The following KIF24 variants were observed in gnomAD, a reference collection of about 807,000 sequenced individuals.
KIF24 encodes kinesin-like protein KIF24.
In KIF24, 81 loss-of-function variants were observed where a neutral mutation model predicts 118.9. The observed-to-expected ratio is 0.68, with a 90% confidence interval of 0.57 to 0.82. KIF24 has a LOEUF of 0.82. KIF24 is among the 40% of genes least tolerant of loss of function. The pLI is 0.00. For synonymous variants in KIF24, 599 were observed against 610.0 expected, an observed-to-expected ratio of 0.98 and a Z score of 0.27; for missense variants, 1,560 against 1,661.6, an observed-to-expected ratio of 0.94 and a Z score of 1.06.
At chr9:34,270,610 TG>T (rs1174034423) in intron 7 of KIF24, among the ~76,000 whole-genome samples, 3 of 104,864 alleles carry the variant, frequency 2.9e-5, no homozygotes, top group Admixed American at 9.3e-5. Flanking sequence ...TACCTAGCTA[TG>T]TTTTTTTTTA....
upstream of KIF24, among the ~76,000 whole-genome samples, chr9:34,332,600 AATG>A (rs1384351378): frequency 1.3e-5 from 2 of 152,188 alleles, no homozygotes; most frequent in African/African-American, 4.8e-5. Flanking sequence ...CTTCACTAAG[AATG>A]ATTTTTGTCC....
chr9:34,271,344 GAA>G (rs1563941532), intron 7 of KIF24, among the ~76,000 whole-genome samples: 2 of 80,478 alleles, frequency 2.5e-5, no homozygotes, highest in South Asian at 4.3e-4. Context: ...AAAAAAAAAA[GAA>G]AAAGAAAAGA....
chr9:34,290,333 A>G lies in KIF24; in HGVS notation c.968T>C (p.Met323Thr), dbSNP rs1404917730. The stretch of plus-strand genomic sequence containing the variant: ...TCCTGGGTTCTCATGAGTTCCTATC[A>G]TGGTGTAGGTCTTTCCAGCACCTGT... ...GQTGAGKTYT[M>T]IGTHENPGLY... Residue 323 changes from methionine to threonine, a missense_variant, in exon 5 of 13, where the codon ATG becomes ACG. Physicochemically the swap from Met to Thr is moderately conservative, Grantham distance 81 (BLOSUM62 -1). Coordinates refer to ENST00000402558, the MANE Select transcript of KIF24 (RefSeq NM_194313.4). 3 of 1,613,950 alleles carry G rather than the reference A, an allele frequency of 1.9e-6. No individual in the cohort carries two copies. The South Asian group carries it at 3.3e-5, about 18-fold the overall frequency.
chr9:34,317,022 C>G (rs1162819147), intron 1 of KIF24, among the ~76,000 whole-genome samples: 1 of 152,036 alleles, frequency 6.6e-6, no homozygotes, highest in African/African-American at 2.4e-5. Flanking sequence ...CAAGACCAGC[C>G]TGGCCAAAAT....
rs2131660616 is a variant in KIF24, at chr9:34,256,279, T to C, written c.3328A>G (p.Arg1110Gly). The C allele has an allele frequency of 6.2e-7, 1 of 1,610,528 alleles. No homozygotes were observed. The highest frequency in any genetic ancestry group is 8.5e-7 in the Non-Finnish European group (1 of 1,178,094). Residue 1110 changes from arginine to glycine, a missense_variant, in exon 11 of 13, where the codon AGG (arginine) becomes GGG (glycine). Physicochemically the swap from Arg to Gly is moderately radical, Grantham distance 125 (BLOSUM62 -2). Transcript: ENST00000402558. The stretch of plus-strand genomic sequence containing the variant: ...GGAGATGAGGACAGCCACAGGTGCC[T>C]AGTTGCTGAAGACACTGGCAAGGCT... The part of the protein sequence containing the change: ...EAALPVSSAT[R>G]HLWLSSSPPD...
chr9:34,309,969 CTTT>C (rs201063121), intron 2 of KIF24, among the ~76,000 whole-genome samples: 1 of 123,412 alleles, frequency 8.1e-6, no homozygotes, highest in Admixed American at 8.3e-5. Flanking sequence ...ACAAGGAGTA[CTTT>C]TTTTTTTTTT....
intron 6 of KIF24, among the ~76,000 whole-genome samples, chr9:34,285,175 A>G (rs1200809368): frequency 6.6e-6 from 1 of 152,210 alleles, no homozygotes; most frequent in African/African-American, 2.4e-5. Context: ...TTTTATTACA[A>G]TAAAAGAATA....
rs1419858720 is a variant in KIF24 at position 34,254,350 on chromosome 9, GC to G, written c.*29del. ...AGAGCCCAGCACAGACTCCTGCAGGGCCCCCACCATCTCGGCACAGGGTCTG... is the reference window on the plus strand; with the variant it reads ...AGAGCCCAGCACAGACTCCTGCAGGGCCCCACCATCTCGGCACAGGGTCTG... On this transcript the variant is annotated 3_prime_UTR_variant, in exon 13 of 13. Coordinates refer to ENST00000402558, the MANE Select transcript of KIF24 (RefSeq NM_194313.4). 2 of 1,592,436 alleles carry G rather than the reference GC, an allele frequency of 1.3e-6. No individual in the cohort carries two copies. Among genetic ancestry groups the G allele is most frequent in the Non-Finnish European group, 1.7e-6 (2 of 1,170,882 alleles).
chr9:34,304,892 A>G lies in KIF24; in HGVS notation c.813+1360T>C, dbSNP rs1426617264. 2.0e-5 allele frequency among the ~76,000 whole-genome samples: 3 copies of G among 152,232 alleles called. No individual in the cohort carries two copies. In the East Asian group the frequency reaches 5.8e-4, roughly 29 times the overall value. ...GACTAAGGTGAATTGCTAGCATACC[A>G]GATTTTTTTTTCTTCCTACCAGTCA... On this transcript the variant is annotated intron_variant, in intron 3 of 12. Coordinates refer to ENST00000402558, the MANE Select transcript of KIF24 (RefSeq NM_194313.4).
At chr9:34,294,590 GCCGGAA>G (rs1836392376) in intron 4 of KIF24, among the ~76,000 whole-genome samples, 2 of 152,182 alleles carry the variant, frequency 1.3e-5, no homozygotes, top group South Asian at 4.1e-4. Context: ...AAAGTCCAAA[GCCGGAA>G]ACAATGCAAA....
chr9:34,311,439 A>C lies in KIF24; in HGVS notation c.-25-68T>G, dbSNP rs999104156. ...TGTAATACAATTATTTATTTTAAAAATTGAAAACCACAAAACCACAAAACA... is the reference window on the plus strand; with the variant it reads ...TGTAATACAATTATTTATTTTAAAACTTGAAAACCACAAAACCACAAAACA... On this transcript the variant is annotated intron_variant, in intron 1 of 12. Coordinates refer to ENST00000402558, the MANE Select transcript of KIF24 (RefSeq NM_194313.4). 8.6e-6 allele frequency: 7 copies of C among 810,662 alleles called. No individual in the cohort carries two copies. The Admixed American group carries it at 1.5e-4, about 17-fold the overall frequency. 50.2% of individuals were successfully genotyped at this position (810,662 alleles called of 1,614,324 possible). A position where few individuals can be genotyped will look rare whatever the true frequency, so the allele number is the denominator to read the frequency against.
intron 8 of KIF24, 36 bp downstream of exon 8, chr9:34,269,221 G>T: frequency 2.3e-6 from 3 of 1,297,886 alleles, no homozygotes; most frequent in Non-Finnish European, 2.2e-6. Context: ...AGTCTTTCAA[G>T]AAGGATTTTT....
Position 34,311,096 on chromosome 9 carries a change from C to A in KIF24, c.251G>T (p.Arg84Leu), listed in dbSNP as rs369743252. 260 of 1,613,458 alleles carry A rather than the reference C, an allele frequency of 1.6e-4. No individual in the cohort carries two copies. The highest frequency in any genetic ancestry group is 2.1e-4 in the Non-Finnish European group (245 of 1,179,650). Residue 84 changes from arginine (R) to leucine (L), a missense_variant, in exon 2 of 13, where the codon CGC becomes CTC. Transcript: ENST00000402558. The part of the protein sequence containing the change: ...PERHLQTSSL[R>L]IKSQELRSGP... ...AGATCTTAATTCCTGAGATTTGATG[C>A]GCAGGCTGCTTGTCTGAAGATGACG...
At chr9:34,306,187 A>G (rs777452344) in intron 3 of KIF24, 65 bp downstream of exon 3, 4 of 1,191,762 alleles carry the variant, frequency 3.4e-6, no homozygotes, top group South Asian at 1.5e-5. Context: ...CCACTCAAAC[A>G]AAAAGCAAAA....
rs369547196 is a variant in KIF24 at position 34,279,305 on chromosome 9, G to A, written c.1215+7312C>T. On this transcript the variant is annotated intron_variant, in intron 6 of 12. Coordinates refer to ENST00000402558, the MANE Select transcript of KIF24 (RefSeq NM_194313.4). ...TCAGAGAGATAAAGGATGTGCTTAA[G>A]GATACATGGCACTGTAACTGGCTGC... Among the ~76,000 whole-genome samples the A allele has an allele frequency of 1.6e-4, 24 of 152,266 alleles. No individual in the cohort carries two copies. The South Asian group carries it at 5.0e-3, about 32-fold the overall frequency.
chr9:34,256,586 A>G lies in KIF24; in HGVS notation c.3021T>C (p.Pro1007=), dbSNP rs116061961. ...GGCCGTCTGCACTGACTTCTCTCAG[A>G]GGTGTGGTGACTGTGTCTCTTTGGT... ...SPDQRDTVTT[P]LREVSADGPI... The change falls in exon 11 of 13, where the codon CCT becomes CCC. Residue 1007 remains proline, a synonymous_variant. Coordinates refer to ENST00000402558, the MANE Select transcript of KIF24 (RefSeq NM_194313.4). 4 of 1,613,788 alleles carry G rather than the reference A, an allele frequency of 2.5e-6. No homozygotes were observed. In the African/African-American group the frequency reaches 5.3e-5, roughly 22 times the overall value.
intron 6 of KIF24, among the ~76,000 whole-genome samples, chr9:34,273,056 T>C (rs553749855): frequency 1.9e-4 from 29 of 152,178 alleles, no homozygotes; most frequent in South Asian, 4.1e-4. Context: ...TGCAGTGAGC[T>C]GTGATTACAG....
At chr9:34,275,609 G>C (rs981639223) in intron 6 of KIF24, among the ~76,000 whole-genome samples, 2 of 152,178 alleles carry the variant, frequency 1.3e-5, no homozygotes, top group African/African-American at 2.4e-5. Flanking sequence ...GGGAGGCCAA[G>C]GCGGGTGGAT....
intron 3 of KIF24, among the ~76,000 whole-genome samples, chr9:34,302,679 T>G (rs1237571085): frequency 6.6e-6 from 1 of 151,830 alleles, no homozygotes; most frequent in African/African-American, 2.4e-5. Context: ...TTGGCTAGGC[T>G]GGTCTTAAAA....
Sources: allele counts gnomAD v4.1 joint callset (sites outside exome capture counted in the v4.1 genomes callset), GRCh38; gene constraint gnomAD v4.1.1; transcripts MANE v1.5; gene names NCBI Gene and HGNC (gene_info 2026-07-23, HGNC 2026-07-21).